Variants in PCDHGA3 observed in about 807,000 individuals in gnomAD.
PCDHGA3 encodes the protein protocadherin gamma-A3.
PCDHGA3 carries 40 observed loss-of-function variants against 58.5 expected under a neutral mutation model. That is an observed-to-expected ratio of 0.68 (90% CI 0.53 to 0.89). The LOEUF is 0.89. PCDHGA3 is among the 40% of genes least tolerant of loss of function. The probability of loss-of-function intolerance (pLI) is 0.00; values close to 1 mark genes in which losing one functional copy is unlikely to be tolerated. For synonymous variants in PCDHGA3, 530 were observed against 525.7 expected, an observed-to-expected ratio of 1.01 and a Z score of -0.11; for missense variants, 1,223 against 1,195.9, an observed-to-expected ratio of 1.02 and a Z score of -0.33.
chr5:141,356,961 G>A, intron 1 of PCDHGA3: 1 of 1,614,234 alleles, frequency 6.2e-7, no homozygotes, highest in South Asian at 1.1e-5. Flanking sequence ...CCGGCTACCT[G>A]GTGACCAAAG....
rs780328813 is a variant in PCDHGA3 at position 141,361,800 on chromosome 5, C to T, written c.2424+15343C>T. The T allele has an allele frequency of 5.6e-6, 9 of 1,613,078 alleles. No homozygotes were observed. The East Asian group carries it at 2.0e-4, about 36-fold the overall frequency. On this transcript the variant is annotated intron_variant, in intron 1 of 3. Coordinates refer to ENST00000253812, the MANE Select transcript of PCDHGA3 (RefSeq NM_018916.4). The stretch of plus-strand genomic sequence containing the variant: ...GCCTGCGCGTGTTAGTGGGCGACCT[C>T]AATGACAATGCGCCACGGGTGCTGT...
At position 141,433,142 on chromosome 5, in the gene PCDHGA3, G is replaced by T. The variant is rs2097571106; in HGVS notation, c.2425-61665G>T. On this transcript the variant is annotated intron_variant, in intron 1 of 3. Coordinates refer to ENST00000253812, the MANE Select transcript of PCDHGA3 (RefSeq NM_018916.4). ...AAAAAGCGAGCCCCTTTTGCTGTCA[G>T]GTGATTCGGTATTTTCTAAAGACAG... The T allele has an allele frequency of 4.7e-5, 76 of 1,613,992 alleles. No homozygotes were observed. Among genetic ancestry groups the T allele is most frequent in the Non-Finnish European group, 6.4e-5 (76 of 1,180,016 alleles).
Position 141,346,450 on chromosome 5 carries a change from T to C in PCDHGA3, c.2417T>C (p.Leu806Pro), listed in dbSNP as rs1757753782. 6.2e-7 allele frequency: 1 copy of C among 1,614,246 alleles called. No homozygotes were observed. Among genetic ancestry groups the C allele is most frequent in the Admixed American group, 1.7e-5 (1 of 60,032 alleles). Reference protein sequence around the residue: ...DLLEMKGDSNLLQQAPPNTDW... With the variant: ...DLLEMKGDSNPLQQAPPNTDW... ...CTTGAAATGAAAGGAGATTCCAACCTACTTCAGGTGAGTTTATTTATTTCT... is the reference window on the plus strand; with the variant it reads ...CTTGAAATGAAAGGAGATTCCAACCCACTTCAGGTGAGTTTATTTATTTCT... The change falls in exon 1 of 4, where the codon CTA (leucine) becomes CCA (proline). Residue 806 changes from leucine to proline, a missense_variant. By Grantham distance (98) the Leu-to-Pro change is moderately conservative. Around this residue, in one of 3 missense-constraint regions of PCDHGA3, gnomAD observed 325 missense variants for 327.5 expected, o/e 0.99. Transcript: ENST00000253812.
intron 1 of PCDHGA3, chr5:141,364,269 A>G: frequency 6.6e-7 from 1 of 1,512,256 alleles, no homozygotes; most frequent in East Asian, 2.3e-5. Flanking sequence ...CATCGGCTTT[A>G]GATAAATAAG....
intron 1 of PCDHGA3, among the ~76,000 whole-genome samples, chr5:141,471,163 G>GC (rs202115056): frequency 0.11 from 16,237 of 150,562 alleles, 892 homozygotes; most frequent in South Asian, 0.15. Context: ...GATTCTCCTG[G>GC]CTCAGCCTCC....
At chr5:141,421,979 G>C in intron 1 of PCDHGA3, 1 of 1,609,702 alleles carries the variant, frequency 6.2e-7, no homozygotes, top group Non-Finnish European at 8.5e-7. Flanking sequence ...TATCGCGTGA[G>C]TGTTCCAGAA....
At chr5:141,456,306 G>C (rs937409031) in intron 1 of PCDHGA3, among the ~76,000 whole-genome samples, 1 of 152,158 alleles carries the variant, frequency 6.6e-6, no homozygotes, top group Non-Finnish European at 1.5e-5. Context: ...GAGAACAGCA[G>C]CTAGGGCTCC....
rs367905789 is a variant in PCDHGA3 at position 141,487,335 on chromosome 5, G to A, written c.2425-7472G>A. 11 of 1,614,064 alleles carry A rather than the reference G, an allele frequency of 6.8e-6. No individual in the cohort carries two copies. The highest frequency in any genetic ancestry group is 8.5e-6 in the Non-Finnish European group (10 of 1,180,044). Reference sequence around the variant, plus strand: ...TCTAAGTGTCTTCGTGGGGCAGCCTGTGGAGTCACATGCTTTCCTGCTGGC... The same window carrying A: ...TCTAAGTGTCTTCGTGGGGCAGCCTATGGAGTCACATGCTTTCCTGCTGGC... On this transcript the variant is annotated intron_variant, in intron 1 of 3. Transcript: ENST00000253812. This position sits in a 1 kb window ranked among gnomAD's most constrained non-coding sequence, Gnocchi z 5.0.
intron 2 of PCDHGA3, 143 bp from the exon 3 acceptor site, chr5:141,505,250 T>C: frequency 2.8e-6 from 4 of 1,439,476 alleles, no homozygotes; most frequent in Non-Finnish European, 9.3e-7. Flanking sequence ...ATTGTAGAAG[T>C]GCCTCCTACC....
At chr5:141,383,042 T>A (rs1397489820) in intron 1 of PCDHGA3, 10 of 1,613,724 alleles carry the variant, frequency 6.2e-6, no homozygotes, top group Non-Finnish European at 7.6e-6. Flanking sequence ...GTGGGAGACA[T>A]CGCCAAGGAC....
intron 1 of PCDHGA3, chr5:141,367,506 C>T (rs957460627): frequency 2.0e-4 from 30 of 151,946 alleles, no homozygotes; most frequent in African/African-American, 7.0e-4. Flanking sequence ...CACTGCACTC[C>T]AGCCTGGGAG....
intron 1 of PCDHGA3, chr5:141,427,607 T>C (rs1157037825): frequency 1.5e-6 from 1 of 688,594 alleles, no homozygotes; most frequent in Non-Finnish European, 2.7e-6. Context: ...TACGCATTGG[T>C]GAAGTCAACG....
At chr5:141,423,409 G>T (rs1168604361) in intron 1 of PCDHGA3, 1 of 1,614,148 alleles carries the variant, frequency 6.2e-7, no homozygotes, top group South Asian at 1.1e-5. Flanking sequence ...CCTGCTGCAG[G>T]CTTCTGAAGG....
Position 141,393,047 on chromosome 5 carries a change from C to G in PCDHGA3, c.2424+46590C>G, listed in dbSNP as rs778464494. ...GTAGGACGCAGCTCTTTGCTCTGAA[C>G]CCGCGCAGCGGCAGCTTGATCACCG... On this transcript the variant is annotated intron_variant, in intron 1 of 3. Transcript: ENST00000253812. 16 of 1,613,566 alleles carry G rather than the reference C, an allele frequency of 9.9e-6. No homozygotes were observed. The South Asian group carries it at 1.6e-4, about 17-fold the overall frequency.
rs147057088 is a variant in PCDHGA3 at position 141,432,065 on chromosome 5, A to C, written c.2425-62742A>C. 6.2e-7 allele frequency: 1 copy of C among 1,613,930 alleles called. No individual in the cohort carries two copies. Among genetic ancestry groups the C allele is most frequent in the Non-Finnish European group, 8.5e-7 (1 of 1,180,014 alleles). On this transcript the variant is annotated intron_variant, in intron 1 of 3. Coordinates refer to ENST00000253812, the MANE Select transcript of PCDHGA3 (RefSeq NM_018916.4). This position sits in a 1 kb window ranked among gnomAD's most constrained non-coding sequence, Gnocchi z 6.0. ...GGGAACCCCGCCCCTATCCACGGAA[A>C]CTCATATCTCGCTGAACGTGGCAGA...
chr5:141,505,520 C>T, intron 3 of PCDHGA3, 39 bp downstream of exon 3: 1 of 1,612,650 alleles, frequency 6.2e-7, no homozygotes, highest in Non-Finnish European at 8.5e-7. Flanking sequence ...AGTGGGAGAC[C>T]TGGGGTTCTG....
intron 1 of PCDHGA3, chr5:141,408,653 C>T (rs1589679123): frequency 6.2e-7 from 1 of 1,613,982 alleles, no homozygotes; most frequent in African/African-American, 1.3e-5. Context: ...CGCTGGTACA[C>T]GACTATCGCT....
chr5:141,419,842 C>A, intron 1 of PCDHGA3: 1 of 1,614,074 alleles, frequency 6.2e-7, no homozygotes, highest in South Asian at 1.1e-5. Flanking sequence ...CCACGCTGCA[C>A]CTGGTGTTCG....
chr5:141,413,435 G>T lies in PCDHGA3; in HGVS notation c.2424+66978G>T, dbSNP rs1018097924. 17 of 1,614,004 alleles carry T rather than the reference G, an allele frequency of 1.1e-5. No homozygotes were observed. The African/African-American group carries it at 2.1e-4, about 20-fold the overall frequency. On this transcript the variant is annotated intron_variant, in intron 1 of 3. Coordinates refer to ENST00000253812, the MANE Select transcript of PCDHGA3 (RefSeq NM_018916.4). Reference sequence around the variant, plus strand: ...TTCTCTCTGAACCCGCGCAGCGGCAGCTTGATCACCGCGGGCAGGATAGAC... The same window carrying T: ...TTCTCTCTGAACCCGCGCAGCGGCATCTTGATCACCGCGGGCAGGATAGAC...
Sources: allele counts gnomAD v4.1 joint callset (sites outside exome capture counted in the v4.1 genomes callset), GRCh38; gene constraint gnomAD v4.1.1; regional missense constraint gnomAD v4.1.1; non-coding constraint Gnocchi (gnomAD v3.1); transcripts MANE v1.5; gene names NCBI Gene and HGNC (gene_info 2026-07-23, HGNC 2026-07-21).